CEP170B: variants seen among roughly 807,000 people sequenced by gnomAD.
The protein encoded by CEP170B is centrosomal protein of 170 kDa protein B.
Under a neutral mutation model 120.6 loss-of-function variants are expected in CEP170B, and 55 were observed. That is an observed-to-expected ratio of 0.46 (90% CI 0.37 to 0.57). The LOEUF (loss-of-function observed/expected upper bound fraction) is 0.57, where lower values mean the gene tolerates loss of function less well. Ranked by LOEUF, CEP170B falls within the 20% of genes least tolerant of loss-of-function variation. The pLI is 0.00. For missense variants in CEP170B, 2,212 were observed against 2,253.3 expected, an observed-to-expected ratio of 0.98 and a Z score of 0.37; for synonymous variants, 1,033 against 954.5, an observed-to-expected ratio of 1.08 and a Z score of -1.52.
intron 12 of CEP170B, 120 bp from the exon 13 acceptor site, chr14:104,889,500 A>G: frequency 6.4e-7 from 1 of 1,552,734 alleles, no homozygotes; most frequent in Non-Finnish European, 8.6e-7. Context: ...TTCTAAAACC[A>G]ATTCACTCAC....
intron 1 of CEP170B, among the ~76,000 whole-genome samples, chr14:104,866,610 G>T (rs1011243763): frequency 6.6e-6 from 1 of 152,196 alleles, no homozygotes; most frequent in Non-Finnish European, 1.5e-5. Context: ...CTCCTGGTGA[G>T]GATTTTTCTA....
chr14:104,889,938 A>ATGGATGGG (rs1896712165), intron 13 of CEP170B, among the ~76,000 whole-genome samples, 180 bp downstream of exon 13: 1 of 62,910 alleles, frequency 1.6e-5, no homozygotes, highest in Non-Finnish European at 3.4e-5. Flanking sequence ...GGATGGATGG[A>ATGGATGGG]TGGATGGATG....
Position 104,887,305 on chromosome 14 carries a change from T to C in CEP170B, c.3066T>C (p.Arg1022=), listed in dbSNP as rs776593879. Residue 1022 remains arginine, a synonymous_variant, in exon 12 of 19, where the codon CGT becomes CGC. Coordinates refer to ENST00000414716, the MANE Select transcript of CEP170B (RefSeq NM_001112726.3). ...HHPLGPTDMG[R]GEPVRRSAIR... ...CACTTGGCCCGACGGACATGGGCCG[T>C]GGAGAGCCGGTACGGCGCTCAGCCA... The C allele has an allele frequency of 1.2e-6, 2 of 1,610,192 alleles. No individual in the cohort carries two copies. The highest frequency in any genetic ancestry group is 1.7e-6 in the Non-Finnish European group (2 of 1,179,168).
chr14:104,885,906 T>C, intron 10 of CEP170B, 134 bp from the exon 11 acceptor site: 1 of 811,396 alleles, frequency 1.2e-6, no homozygotes, highest in Non-Finnish European at 1.9e-6. Flanking sequence ...CGCTTGCTCA[T>C]GCGGCAGGCC....
At chr14:104,881,973 G>A (rs1325962765) in intron 6 of CEP170B, among the ~76,000 whole-genome samples, 1 of 152,140 alleles carries the variant, frequency 6.6e-6, no homozygotes, top group East Asian at 1.9e-4. Flanking sequence ...GCAGCTGGGG[G>A]CCATGACGCA....
intron 3 of CEP170B, among the ~76,000 whole-genome samples, chr14:104,877,681 G>C (rs986501283): frequency 2.0e-5 from 3 of 152,168 alleles, no homozygotes; most frequent in African/African-American, 7.2e-5. Flanking sequence ...GTGTCTGGGT[G>C]CCCCTGCCAT....
intron 17 of CEP170B, 63 bp downstream of exon 17, chr14:104,894,441 C>T: frequency 6.2e-7 from 1 of 1,604,902 alleles, no homozygotes. Flanking sequence ...GCCTGGCTGG[C>T]CCCAAACCTT....
rs761363671 is a variant in CEP170B at position 104,889,680 on chromosome 14, G to C, written c.3800G>C (p.Arg1267Pro). 6 of 1,612,108 alleles carry C rather than the reference G, an allele frequency of 3.7e-6. No homozygotes were observed. The highest frequency in any genetic ancestry group is 3.3e-5 in the Admixed American group (2 of 59,978). ...SRARSRAPGPRDTDDDEEEPD... is the reference protein window; with the variant it reads ...SRARSRAPGPPDTDDDEEEPD... Reference sequence around the variant, plus strand: ...GCTCGTTCCCGGGCCCCCGGCCCCCGGGACACGGACGACGATGAGGAGGAG... The same window carrying C: ...GCTCGTTCCCGGGCCCCCGGCCCCCCGGACACGGACGACGATGAGGAGGAG... The change falls in exon 13 of 19, where the codon CGG becomes CCG. Residue 1267 changes from arginine (R) to proline (P), a missense_variant. By Grantham distance (103) the Arg-to-Pro change is moderately radical. Around this residue, in one of 2 missense-constraint regions of CEP170B, gnomAD observed 2,166 missense variants for 2,166.7 expected, o/e 1.00. Transcript: ENST00000414716.
intron 3 of CEP170B, among the ~76,000 whole-genome samples, chr14:104,876,912 G>T (rs189031400): frequency 1.4e-3 from 220 of 152,344 alleles, no homozygotes; most frequent in South Asian, 2.3e-3. Context: ...GGGTTGGGGG[G>T]TCAGGTGAAA....
In CEP170B at chr14:104,886,558, C is replaced by G. The variant is rs1896519866; in HGVS notation, c.2319C>G (p.Pro773=). ...CACAGGACAGCAGACGCAGGAGCCCCCAGGAGGGGCCCACGTGGAGCAGGG... is the reference window on the plus strand; with the variant it reads ...CACAGGACAGCAGACGCAGGAGCCCGCAGGAGGGGCCCACGTGGAGCAGGG... ...VEPQDSRRRS[P]QEGPTWSRGR... The change falls in exon 12 of 19, where the codon CCC becomes CCG. Residue 773 remains proline, a synonymous_variant. Transcript: ENST00000414716. 1 of 1,506,552 alleles carries G rather than the reference C, an allele frequency of 6.6e-7. No individual in the cohort carries two copies. The highest frequency in any genetic ancestry group is 1.4e-5 in the African/African-American group (1 of 71,602). The allele number at this position is 1,506,552 out of a possible 1,614,324, so 93.3% of individuals were successfully genotyped here. A position where few individuals can be genotyped will look rare whatever the true frequency, so the allele number is the denominator to read the frequency against.
intron 3 of CEP170B, among the ~76,000 whole-genome samples, chr14:104,876,657 G>A (rs1895868087): frequency 6.6e-6 from 1 of 152,136 alleles, no homozygotes; most frequent in Admixed American, 6.5e-5. Context: ...AGGCCCCCAG[G>A]CCTCCCCAGA....
At chr14:104,883,603 C>T (rs1896282384) in intron 8 of CEP170B, 95 bp downstream of exon 8, 1 of 1,326,216 alleles carries the variant, frequency 7.5e-7, no homozygotes, top group Non-Finnish European at 1.0e-6. Context: ...GGGGCCCATT[C>T]AGCTGGGTTG....
intron 14 of CEP170B, 93 bp downstream of exon 14, chr14:104,893,228 G>A: frequency 4.3e-6 from 6 of 1,385,284 alleles, no homozygotes; most frequent in Non-Finnish European, 1.9e-6. Flanking sequence ...CCTCGGCTGA[G>A]GCCCTGCTGC....
chr14:104,867,202 A>G lies in CEP170B; in HGVS notation c.-27-1222A>G, dbSNP rs4983561. Reference sequence around the variant, plus strand: ...GACTAGCCACAGGACTCCCAGGGGTATGTGAGGCCCTCCATCCCTCTGCCC... The same window carrying G: ...GACTAGCCACAGGACTCCCAGGGGTGTGTGAGGCCCTCCATCCCTCTGCCC... On this transcript the variant is annotated intron_variant, in intron 1 of 18. Transcript: ENST00000414716. This position sits in a 1 kb window ranked among gnomAD's most constrained non-coding sequence, Gnocchi z 5.4. Among the ~76,000 whole-genome samples, 81,107 of 151,940 alleles carry G rather than the reference A, an allele frequency of 0.53. 23,496 individuals carry two copies. Among genetic ancestry groups the G allele is most frequent in the Middle Eastern group, 0.78 (228 of 294 alleles).
In CEP170B at chr14:104,885,030, T is replaced by A. The variant is rs1222119348; in HGVS notation, c.1771-339T>A. On this transcript the variant is annotated intron_variant, in intron 9 of 18. Coordinates refer to ENST00000414716, the MANE Select transcript of CEP170B (RefSeq NM_001112726.3). Reference sequence around the variant, plus strand: ...TGGAGGCGATGCCGGGGGTGGCGAGTGAGAGTACTCGTGGGGAACGGGGGG... The same window carrying A: ...TGGAGGCGATGCCGGGGGTGGCGAGAGAGAGTACTCGTGGGGAACGGGGGG... 3.9e-3 allele frequency among the ~76,000 whole-genome samples: 181 copies of A among 46,528 alleles called. 1 individual carries two copies. Among genetic ancestry groups the A allele is most frequent in the African/African-American group, 0.015 (176 of 11,876 alleles). The allele number at this position is 46,528 out of a possible 152,430, so 30.5% of individuals were successfully genotyped here. A position where few individuals can be genotyped will look rare whatever the true frequency, so the allele number is the denominator to read the frequency against.
At chr14:104,877,826 G>GCCCCCAGCCCCCCCCCCCC in intron 3 of CEP170B, 59 bp from the exon 4 acceptor site, 1 of 534,438 alleles carries the variant, frequency 1.9e-6, no homozygotes, top group Non-Finnish European at 2.7e-6. Context: ...CTGCGGCCCT[G>GCCCCCAGCCCCCCCCCCCC]CCCACAGCCA....
intron 8 of CEP170B, 136 bp downstream of exon 8, chr14:104,883,644 G>C: frequency 2.7e-6 from 3 of 1,119,342 alleles, no homozygotes; most frequent in Non-Finnish European, 3.7e-6. Context: ...TTGCCTAAGA[G>C]CCACCTGCCT....
At chr14:104,871,503 C>T (rs917109262) in intron 2 of CEP170B, among the ~76,000 whole-genome samples, 31 of 152,108 alleles carry the variant, frequency 2.0e-4, no homozygotes, top group South Asian at 2.1e-4. Flanking sequence ...AACCTCCACA[C>T]CCTGTCCCAG....
In CEP170B at chr14:104,868,954, G is replaced by A. The variant is rs547188323; in HGVS notation, c.105+399G>A. Among the ~76,000 whole-genome samples the A allele has an allele frequency of 3.9e-5, 6 of 152,168 alleles. No homozygotes were observed. Among genetic ancestry groups the A allele is most frequent in the East Asian group, 3.9e-4 (2 of 5,186 alleles). ...CATATTCTTGTTGTCTGGGGGCCCC[G>A]TCTATGCTGTGAGTGCTGCCTGAGC... On this transcript the variant is annotated intron_variant, in intron 2 of 18. Transcript: ENST00000414716. The surrounding 1 kb of genome is among the most constrained non-coding windows in gnomAD (Gnocchi z 5.9).
Sources: gnomAD v4.1 joint callset for allele counts (sites outside exome capture counted in the v4.1 genomes callset) on GRCh38, gnomAD v4.1.1 for gene constraint, gnomAD v4.1.1 regional missense constraint, Gnocchi (gnomAD v3.1) non-coding constraint, MANE v1.5 for transcripts, NCBI Gene and HGNC (gene_info 2026-07-23, HGNC 2026-07-21) for gene names.